NID2: variants seen among roughly 807,000 people sequenced by gnomAD.
NID2 encodes the protein nidogen-2.
Under a neutral mutation model 145.4 loss-of-function variants are expected in NID2, and 83 were observed. The ratio of observed to expected loss-of-function variants is 0.57; its 90% confidence interval spans 0.48 to 0.69. The LOEUF (loss-of-function observed/expected upper bound fraction) is 0.69. Ranked by LOEUF, NID2 falls within the 30% of genes least tolerant of loss-of-function variation. The pLI is 0.00. For synonymous variants in NID2, 739 were observed against 701.3 expected, an observed-to-expected ratio of 1.05 and a Z score of -0.85; for missense variants, 1,807 against 1,765.7, an observed-to-expected ratio of 1.02 and a Z score of -0.42.
At chr14:52,050,653 C>T (rs1180310097) in intron 5 of NID2, among the ~76,000 whole-genome samples, 2 of 152,106 alleles carry the variant, frequency 1.3e-5, no homozygotes, top group East Asian at 1.9e-4. Context: ...CTCTGTTGCT[C>T]AGGCTATGCA....
At chr14:52,028,638 G>A in intron 11 of NID2, 84 bp downstream of exon 11, 1 of 1,449,974 alleles carries the variant, frequency 6.9e-7, no homozygotes, top group Non-Finnish European at 9.4e-7. Context: ...CCTCTGAATA[G>A]CAGAAGTCAA....
At chr14:52,063,591 T>C (rs1472059906) in intron 2 of NID2, among the ~76,000 whole-genome samples, 1 of 152,232 alleles carries the variant, frequency 6.6e-6, no homozygotes, top group African/African-American at 2.4e-5. Context: ...GACATCCTTT[T>C]CTTCAAGGGG....
chr14:52,009,444 C>G (rs544889186), intron 18 of NID2: 2 of 152,146 alleles, frequency 1.3e-5, no homozygotes, highest in African/African-American at 2.4e-5. Flanking sequence ...CATTCTGTTA[C>G]GCAGTTGAAG....
intron 12 of NID2, among the ~76,000 whole-genome samples, chr14:52,026,653 A>T (rs917768480): frequency 6.6e-6 from 1 of 152,230 alleles, no homozygotes; most frequent in African/African-American, 2.4e-5. Context: ...TCTAAGTTAA[A>T]TTCCAATGGC....
chr14:52,057,388 G>C (rs1595053466), intron 3 of NID2, among the ~76,000 whole-genome samples: 1 of 152,120 alleles, frequency 6.6e-6, no homozygotes, highest in East Asian at 1.9e-4. Context: ...GAACTGGCAT[G>C]ATGTTTGTGA....
chr14:52,020,328 G>C (rs1595012127), intron 12 of NID2, 150 bp from the exon 13 acceptor site: 1 of 1,305,142 alleles, frequency 7.7e-7, no homozygotes, highest in Non-Finnish European at 1.0e-6. Flanking sequence ...GAAAAATGCT[G>C]ACACCTAAAG....
At chr14:52,041,723 C>T (rs1457103213) in intron 7 of NID2, among the ~76,000 whole-genome samples, 1 of 152,140 alleles carries the variant, frequency 6.6e-6, no homozygotes, top group African/African-American at 2.4e-5. Flanking sequence ...AGGAGAAGAG[C>T]ACCCCTTCCC....
rs751310526 is a variant in NID2 at position 52,011,715 on chromosome 14, T to C, written c.3421-32A>G. 6 of 1,612,992 alleles carry C rather than the reference T, an allele frequency of 3.7e-6. No individual in the cohort carries two copies. In the African/African-American group the frequency reaches 6.7e-5, roughly 18 times the overall value. Reference sequence around the variant, plus strand: ...GCATCAAATCATAGAATTAGAAGAATTAGGTTACATTTCCCCTTTGTTCAC... The same window carrying C: ...GCATCAAATCATAGAATTAGAAGAACTAGGTTACATTTCCCCTTTGTTCAC... On this transcript the variant is annotated intron_variant, in intron 16 of 21. Coordinates refer to ENST00000216286, the MANE Select transcript of NID2 (RefSeq NM_007361.4).
At chr14:52,026,325 T>C (rs964738762) in intron 12 of NID2, among the ~76,000 whole-genome samples, 1 of 152,206 alleles carries the variant, frequency 6.6e-6, no homozygotes, top group Admixed American at 6.5e-5. Context: ...TGGAGGCAGA[T>C]GCACACAGCA....
chr14:52,066,684 A>C (rs543609916), intron 2 of NID2, among the ~76,000 whole-genome samples: 1 of 152,250 alleles, frequency 6.6e-6, no homozygotes, highest in South Asian at 2.1e-4. Flanking sequence ...AAGCAACCTC[A>C]CCTCTTACAG....
At chr14:52,035,878 A>ATATATATATATATATT (rs58318209) in intron 9 of NID2, among the ~76,000 whole-genome samples, 342 of 135,140 alleles carry the variant, frequency 2.5e-3, no homozygotes, top group African/African-American at 5.1e-3. Context: ...ATATATATAT[A>ATATATATATATATATT]TGTTTTATTT....
intron 15 of NID2, among the ~76,000 whole-genome samples, chr14:52,014,723 A>G (rs980223901): frequency 6.6e-6 from 1 of 151,164 alleles, no homozygotes; most frequent in African/African-American, 2.4e-5. Flanking sequence ...TTTCAAGAGA[A>G]AAAAAAAACA....
intron 18 of NID2, chr14:52,010,060 GTTTT>G (rs932239917): frequency 2.0e-5 from 3 of 152,194 alleles, no homozygotes; most frequent in African/African-American, 7.2e-5. Context: ...TATGCAAAGA[GTTTT>G]TAAGAGGGCT....
intron 9 of NID2, among the ~76,000 whole-genome samples, chr14:52,038,172 C>T (rs1892142034): frequency 6.6e-6 from 1 of 152,168 alleles, no homozygotes; most frequent in Non-Finnish European, 1.5e-5. Flanking sequence ...TTGTCTTGTT[C>T]CTAAGCTTCA....
chr14:52,059,968 C>A (rs957877408), intron 3 of NID2, among the ~76,000 whole-genome samples, 156 bp downstream of exon 3: 1 of 152,170 alleles, frequency 6.6e-6, no homozygotes, highest in Non-Finnish European at 1.5e-5. Context: ...GAACTTGATC[C>A]TTCCAGGGTT....
chr14:52,022,078 C>CTA (rs1891419125), intron 12 of NID2, among the ~76,000 whole-genome samples: 1 of 152,186 alleles, frequency 6.6e-6, no homozygotes, highest in Admixed American at 6.5e-5. Context: ...GACACAGGGC[C>CTA]TATTTCTGGA....
At chr14:52,008,149 G>A in intron 18 of NID2, 182 bp from the exon 19 acceptor site, 1 of 497,020 alleles carries the variant, frequency 2.0e-6, no homozygotes, top group Non-Finnish European at 3.5e-6. Context: ...AGAAGTGATA[G>A]GCTATCACTG....
chr14:52,025,186 T>C (rs1200329144), intron 12 of NID2, among the ~76,000 whole-genome samples: 1 of 152,192 alleles, frequency 6.6e-6, no homozygotes, highest in East Asian at 1.9e-4. Context: ...AAAGCATCAT[T>C]CCCACTGTCA....
At chr14:52,033,076 C>T (rs569843161) in intron 9 of NID2, among the ~76,000 whole-genome samples, 1 of 152,316 alleles carries the variant, frequency 6.6e-6, no homozygotes, top group Non-Finnish European at 1.5e-5. Context: ...TTTTAAAATA[C>T]ATTTCTAAAA....
Sources: gnomAD v4.1 joint callset for allele counts (sites outside exome capture counted in the v4.1 genomes callset) on GRCh38, gnomAD v4.1.1 for gene constraint, MANE v1.5 for transcripts, NCBI Gene and HGNC (gene_info 2026-07-23, HGNC 2026-07-21) for gene names.